Variants in ATOH8 observed in about 807,000 individuals in gnomAD.
ATOH8 encodes transcription factor ATOH8.
Under a neutral mutation model 21.2 loss-of-function variants are expected in ATOH8, and 9 were observed. The observed-to-expected ratio is 0.42, with a 90% CI of 0.26 to 0.74. The LOEUF is 0.74. Ranked by LOEUF, ATOH8 falls within the 30% of genes least tolerant of loss-of-function variation. ATOH8 has a pLI of 0.24. For synonymous variants in ATOH8, 253 were observed against 224.0 expected, an observed-to-expected ratio of 1.13 and a Z score of -1.16; for missense variants, 524 against 470.9, an observed-to-expected ratio of 1.11 and a Z score of -1.04.
intron 2 of ATOH8, 130 bp from the exon 3 acceptor site, chr2:85,786,755 C>T: frequency 1.7e-6 from 2 of 1,211,280 alleles, no homozygotes; most frequent in Non-Finnish European, 2.4e-6. Flanking sequence ...CTGGCTCTTC[C>T]ACTTATCGAA....
At chr2:85,781,146 A>C (rs1326344893) in intron 2 of ATOH8, 1 of 931,274 alleles carries the variant, frequency 1.1e-6, no homozygotes, top group Non-Finnish European at 1.3e-6. Flanking sequence ...GCGTAATTCC[A>C]CTTTTCGTAA....
chr2:85,754,387 G>T lies in ATOH8; in HGVS notation c.198G>T (p.Arg66=). The T allele has an allele frequency of 6.3e-7, 1 of 1,585,144 alleles. No individual in the cohort carries two copies. Among genetic ancestry groups the T allele is most frequent in the Non-Finnish European group, 8.6e-7 (1 of 1,168,520 alleles). ...ATNGLRDRTH[R]LQPVPVPVPV... The stretch of plus-strand genomic sequence containing the variant: ...ACGGGCTGCGGGACAGGACCCATCG[G>T]CTGCAGCCGGTCCCGGTACCGGTGC... The change falls in exon 1 of 3, where the codon CGG becomes CGT. Residue 66 remains arginine (R), a synonymous_variant. Transcript: ENST00000306279.
intron 2 of ATOH8, among the ~76,000 whole-genome samples, chr2:85,764,711 G>T (rs1194101448): frequency 6.6e-6 from 1 of 152,146 alleles, no homozygotes; most frequent in African/African-American, 2.4e-5. Context: ...TACTGGGCAG[G>T]GGTATAAAGA....
rs538868034 is a variant in ATOH8, at chr2:85,771,940, C to A, written c.960+7758C>A. Among the ~76,000 whole-genome samples, 4 of 152,390 alleles carry A rather than the reference C, an allele frequency of 2.6e-5. No individual in the cohort carries two copies. The South Asian group carries it at 8.3e-4, about 32-fold the overall frequency. On this transcript the variant is annotated intron_variant, in intron 2 of 2. Transcript: ENST00000306279. The stretch of plus-strand genomic sequence containing the variant: ...GGAAGTGGCAGAGCTCAGTTTCCAA[C>A]CTGTTTTATCTCTTTGGTTCTGAGT...
At chr2:85,755,012 G>T in intron 1 of ATOH8, 55 bp downstream of exon 1, 1 of 1,514,790 alleles carries the variant, frequency 6.6e-7, no homozygotes, top group Non-Finnish European at 8.8e-7. Context: ...TGCGGGAATG[G>T]GTGGGCGAGT....
intron 1 of ATOH8, among the ~76,000 whole-genome samples, chr2:85,757,825 G>A (rs1442654159): frequency 2.4e-5 from 3 of 125,324 alleles, no homozygotes; most frequent in African/African-American, 8.8e-5. Context: ...TCTTTCTGTT[G>A]ACCAGGCTGG....
At chr2:85,761,696 G>A (rs1679874207) in intron 1 of ATOH8, among the ~76,000 whole-genome samples, 2 of 152,204 alleles carry the variant, frequency 1.3e-5, no homozygotes, top group Non-Finnish European at 2.9e-5. Flanking sequence ...CCAGTCCCCA[G>A]AGTCTCCCTC....
At chr2:85,775,485 C>A (rs1016647036) in intron 2 of ATOH8, among the ~76,000 whole-genome samples, 2 of 152,142 alleles carry the variant, frequency 1.3e-5, no homozygotes, top group Admixed American at 6.5e-5. Flanking sequence ...TAACAGAAAC[C>A]CCTCAAGCAG....
chr2:85,779,920 G>C (rs1680437626), intron 2 of ATOH8, among the ~76,000 whole-genome samples: 1 of 152,250 alleles, frequency 6.6e-6, no homozygotes, highest in South Asian at 2.1e-4. Context: ...TGCTCGTGGT[G>C]GAGGTGTGTG....
intron 1 of ATOH8, among the ~76,000 whole-genome samples, chr2:85,755,528 A>C (rs1282339752): frequency 6.6e-6 from 1 of 152,170 alleles, no homozygotes; most frequent in Non-Finnish European, 1.5e-5. Context: ...GGGCTCAGGA[A>C]TCGGCTGGTG....
intron 1 of ATOH8, 124 bp downstream of exon 1, chr2:85,755,081 G>C: frequency 7.6e-7 from 1 of 1,322,908 alleles, no homozygotes; most frequent in African/African-American, 1.5e-5. Flanking sequence ...GTCCGACCCT[G>C]GTGCCCAGAC....
At chr2:85,763,790 A>C (rs191097665) in intron 1 of ATOH8, among the ~76,000 whole-genome samples, 2 of 150,094 alleles carry the variant, frequency 1.3e-5, no homozygotes, top group African/African-American at 4.9e-5. Flanking sequence ...CAAAATGGGA[A>C]TGTGGGTATA....
At chr2:85,767,829 C>A (rs1478783104) in intron 2 of ATOH8, among the ~76,000 whole-genome samples, 1 of 152,172 alleles carries the variant, frequency 6.6e-6, no homozygotes, top group Non-Finnish European at 1.5e-5. Context: ...GGAGGGGACC[C>A]AGGAGGGCTG....
At chr2:85,774,573 C>T in intron 2 of ATOH8, 1 of 985,604 alleles carries the variant, frequency 1.0e-6, no homozygotes, top group Non-Finnish European at 1.2e-6. Flanking sequence ...CCACCGGCGC[C>T]TGTCTTAGCT....
In ATOH8 at chr2:85,783,135, T is replaced by C. The variant is rs867106481; in HGVS notation, c.961-3750T>C. On this transcript the variant is annotated intron_variant, in intron 2 of 2. Transcript: ENST00000306279. ...AACAGATAAAAAGATGATTTCTGCT[T>C]GTGATAAATGCTCCCACTTTGCCAC... Among the ~76,000 whole-genome samples, 3 of 152,354 alleles carry C rather than the reference T, an allele frequency of 2.0e-5. No homozygotes were observed. In the South Asian group the frequency reaches 6.2e-4, roughly 32 times the overall value.
chr2:85,778,810 G>T (rs973435425), intron 2 of ATOH8, among the ~76,000 whole-genome samples: 57 of 152,354 alleles, frequency 3.7e-4, no homozygotes, highest in African/African-American at 1.3e-3. Flanking sequence ...CACCGTGGTC[G>T]GGGCATGTGA....
chr2:85,767,987 C>T (rs1680068360), intron 2 of ATOH8, among the ~76,000 whole-genome samples: 1 of 152,238 alleles, frequency 6.6e-6, no homozygotes, highest in South Asian at 2.1e-4. Flanking sequence ...TGGATTAGCA[C>T]ACAGTCCCTG....
intron 2 of ATOH8, 119 bp downstream of exon 2, chr2:85,764,301 G>C (rs1211608802): frequency 3.0e-6 from 4 of 1,316,252 alleles, no homozygotes; most frequent in Admixed American, 4.7e-5. Flanking sequence ...TCAGCTCTTG[G>C]AGGTTTGCTG....
chr2:85,760,246 T>C, intron 1 of ATOH8, among the ~76,000 whole-genome samples: 1 of 152,080 alleles, frequency 6.6e-6, no homozygotes, highest in Non-Finnish European at 1.5e-5. Context: ...TTTACTTTTC[T>C]GGAAGTTGGG....
Sources: allele counts gnomAD v4.1 joint callset (sites outside exome capture counted in the v4.1 genomes callset), GRCh38; gene constraint gnomAD v4.1.1; transcripts MANE v1.5; gene names NCBI Gene and HGNC (gene_info 2026-07-23, HGNC 2026-07-21).